The following EIF3A variants were observed in gnomAD, a reference collection of about 807,000 sequenced individuals.
The protein encoded by EIF3A is eukaryotic translation initiation factor 3 subunit A, also known as EIF3, p180 subunit.
Under a neutral mutation model 186.6 loss-of-function variants are expected in EIF3A, and 21 were observed. The ratio of observed to expected loss-of-function variants is 0.11; its 90% CI spans 0.08 to 0.16. The LOEUF is 0.16. Ranked by LOEUF, EIF3A falls within the 10% of genes least tolerant of loss-of-function variation. The pLI is 1.00. For synonymous variants in EIF3A, 563 were observed against 584.3 expected (o/e 0.96, Z 0.52); for missense variants, 1,306 against 1,796.3 (o/e 0.73, Z 4.93).
At position 119,042,584 on chromosome 10, in the gene EIF3A, C is replaced by A; in HGVS notation, c.2936G>T (p.Arg979Leu). The A allele has an allele frequency of 1.2e-6, 2 of 1,614,170 alleles. No individual in the cohort carries two copies. The highest frequency in any genetic ancestry group is 1.7e-6 in the Non-Finnish European group (2 of 1,180,044). The change falls in exon 19 of 22, where the codon CGT becomes CTT. Residue 979 changes from arginine (R) to leucine (L), a missense_variant. Transcript: ENST00000369144. The surrounding 1 kb of genome is among the most constrained non-coding windows in gnomAD (Gnocchi z 7.8). The part of the protein sequence containing the change: ...RRGPEEDRFS[R>L]RGADDDRPSW... ...AGGCCGGTCATCGTCTGCCCCACGA[C>A]GAGAGAACCTATCTTCCTCAGGACC...
At chr10:119,062,187 A>G (rs1450171865) in intron 7 of EIF3A, among the ~76,000 whole-genome samples, 2 of 152,180 alleles carry the variant, frequency 1.3e-5, no homozygotes, top group Non-Finnish European at 2.9e-5. Flanking sequence ...TCCCTAACTT[A>G]GAATCTGCCT....
Position 119,042,309 on chromosome 10 carries a change from G to A in EIF3A, c.3211C>T (p.Arg1071Ter), listed in dbSNP as rs1257943849. Reference sequence around the variant, plus strand: ...GGACCCCGATCATCATCCAACCCTCGCCTGGGACCCCGGTCATCATCAGCA... The same window carrying A: ...GGACCCCGATCATCATCCAACCCTCACCTGGGACCCCGGTCATCATCAGCA... ...RNADDDRGPR[R>*]GLDDDRGPRR... Residue 1071 changes from arginine to a stop codon, truncating the protein, a stop_gained, in exon 19 of 22, where the codon CGA (arginine) becomes TGA (stop). Transcript: ENST00000369144. LOFTEE classifies it high-confidence loss of function. This position sits in a 1 kb window ranked among gnomAD's most constrained non-coding sequence, Gnocchi z 7.8. The A allele has an allele frequency of 1.2e-6, 2 of 1,613,234 alleles. No individual in the cohort carries two copies. Among genetic ancestry groups the A allele is most frequent in the Non-Finnish European group, 1.7e-6 (2 of 1,179,906 alleles).
rs1455758561 is a variant in EIF3A at position 119,055,166 on chromosome 10, C to A, written c.2196+1574G>T. ...CAGAGGTTGCAGTGTGCCGAGATTGCGCCACTGCACTCCAGCCTGGGCGAC... is the reference window on the plus strand; with the variant it reads ...CAGAGGTTGCAGTGTGCCGAGATTGAGCCACTGCACTCCAGCCTGGGCGAC... On this transcript the variant is annotated intron_variant, in intron 14 of 21. Coordinates refer to ENST00000369144, the MANE Select transcript of EIF3A (RefSeq NM_003750.4). Among the ~76,000 whole-genome samples the A allele has an allele frequency of 7.2e-5, 11 of 152,290 alleles. No individual in the cohort carries two copies. The East Asian group carries it at 2.1e-3, about 29-fold the overall frequency.
intron 17 of EIF3A, among the ~76,000 whole-genome samples, chr10:119,044,930 G>A (rs1230777981): frequency 9.0e-6 from 1 of 110,950 alleles, no homozygotes; most frequent in Admixed American, 1.2e-4. Flanking sequence ...ACCTTTATTT[G>A]AATTTTCTTT....
chr10:119,070,726 G>T (rs1186031188), intron 5 of EIF3A, among the ~76,000 whole-genome samples, 160 bp downstream of exon 5: 2 of 152,188 alleles, frequency 1.3e-5, no homozygotes, highest in Admixed American at 1.3e-4. Context: ...AATATTCTGA[G>T]ATTTCTTGTT....
At position 119,033,754 on chromosome 10, in the gene EIF3A, G is replaced by GT. The variant is rs1848087367; in HGVS notation, c.*2284dup. ...TATATATGCTTCCAGACAAAGAAAAGTTTGTTAGTCCTGATTTTCTAATCG... is the reference window on the plus strand; with the variant it reads ...TATATATGCTTCCAGACAAAGAAAAGTTTTGTTAGTCCTGATTTTCTAATCG... On this transcript the variant is annotated 3_prime_UTR_variant, in exon 22 of 22. Transcript: ENST00000369144. 1.2e-5 allele frequency: 2 copies of GT among 166,818 alleles called. No individual in the cohort carries two copies. Among genetic ancestry groups the GT allele is most frequent in the African/African-American group, 4.8e-5 (2 of 41,348 alleles). 10.3% of individuals were successfully genotyped at this position (166,818 alleles called of 1,614,324 possible).
intron 20 of EIF3A, 123 bp from the exon 21 acceptor site, chr10:119,037,432 C>T: frequency 1.3e-6 from 1 of 776,526 alleles, no homozygotes; most frequent in Non-Finnish European, 2.0e-6. Flanking sequence ...AAACTCATAA[C>T]CTGACCTTAC....
Position 119,036,208 on chromosome 10 carries a change from G to A in EIF3A, c.3980C>T (p.Pro1327Leu). The change falls in exon 22 of 22, where the codon CCT (proline) becomes CTT (leucine). Residue 1327 changes from proline to leucine, a missense_variant. Coordinates refer to ENST00000369144, the MANE Select transcript of EIF3A (RefSeq NM_003750.4). ...KDDRVEERDP[P>L]RRVPPPALSR... Reference sequence around the variant, plus strand: ...AAGAGCTGGGGGAGGAACTCGACGAGGAGGGTCCCGCTCTTCCACCCGGTC... The same window carrying A: ...AAGAGCTGGGGGAGGAACTCGACGAAGAGGGTCCCGCTCTTCCACCCGGTC... 6.2e-7 allele frequency: 1 copy of A among 1,613,716 alleles called. No individual in the cohort carries two copies. Among genetic ancestry groups the A allele is most frequent in the Non-Finnish European group, 8.5e-7 (1 of 1,179,966 alleles).
intron 17 of EIF3A, among the ~76,000 whole-genome samples, chr10:119,047,867 G>A (rs1181702778): frequency 6.6e-6 from 1 of 152,070 alleles, no homozygotes; most frequent in African/African-American, 2.4e-5. Context: ...TTTGATACAG[G>A]TGTGGCAAAA....
At chr10:119,041,019 A>AC (rs1848201502) in intron 19 of EIF3A, among the ~76,000 whole-genome samples, 1 of 151,054 alleles carries the variant, frequency 6.6e-6, no homozygotes, top group South Asian at 2.1e-4. Context: ...AAAAAAAAAA[A>AC]AAAAAAAAAT....
intron 6 of EIF3A, among the ~76,000 whole-genome samples, chr10:119,067,492 G>A (rs114197236): frequency 0.01 from 1,541 of 152,302 alleles, 18 homozygotes; most frequent in African/African-American, 0.034. Flanking sequence ...TCAGAAGGCT[G>A]AGGTGGAAGA....
intron 4 of EIF3A, 44 bp from the exon 5 acceptor site, chr10:119,071,129 T>TAG (rs757288803): frequency 3.5e-5 from 46 of 1,330,892 alleles, no homozygotes; most frequent in Non-Finnish European, 4.6e-5. Flanking sequence ...TTCCACTATC[T>TAG]ACTTAAATAT....
In EIF3A at chr10:119,053,559, A is replaced by T. The variant is rs1377594295; in HGVS notation, c.2197-2238T>A. ...AGAGCCTGTCTCCACTAAAAATACA[A>T]AAAAAAAAAAAAAAAAAAAGCTAGG... On this transcript the variant is annotated intron_variant, in intron 14 of 21. Transcript: ENST00000369144. 6.3e-3 allele frequency among the ~76,000 whole-genome samples: 3 copies of T among 476 alleles called. No individual in the cohort carries two copies. The South Asian group carries it at 0.25, about 40-fold the overall frequency. The allele number at this position is 476 out of a possible 152,430, so 0.3% of individuals were successfully genotyped here.
intron 4 of EIF3A, among the ~76,000 whole-genome samples, chr10:119,071,820 T>C (rs1187020067): frequency 6.7e-6 from 1 of 149,252 alleles, no homozygotes; most frequent in Non-Finnish European, 1.5e-5. Flanking sequence ...GGTCAGGAGA[T>C]TGAGACCATC....
At position 119,035,098 on chromosome 10, in the gene EIF3A, G is replaced by T. The variant is rs1245020435; in HGVS notation, c.*941C>A. 1.3e-5 allele frequency: 2 copies of T among 152,526 alleles called. No homozygotes were observed. Among genetic ancestry groups the T allele is most frequent in the Admixed American group, 6.6e-5 (1 of 15,266 alleles). The allele number at this position is 152,526 out of a possible 1,614,324, so 9.4% of individuals were successfully genotyped here. A position where few individuals can be genotyped will look rare whatever the true frequency, so the allele number is the denominator to read the frequency against. On this transcript the variant is annotated 3_prime_UTR_variant, in exon 22 of 22. Coordinates refer to ENST00000369144, the MANE Select transcript of EIF3A (RefSeq NM_003750.4). Reference sequence around the variant, plus strand: ...GAAAAAACACAGCAGCAAGTTCTGTGTTGGCTTCAATGAGACCAAATAGTT... The same window carrying T: ...GAAAAAACACAGCAGCAAGTTCTGTTTTGGCTTCAATGAGACCAAATAGTT...
chr10:119,079,504 C>T (rs1844228689), intron 1 of EIF3A, among the ~76,000 whole-genome samples: 1 of 151,924 alleles, frequency 6.6e-6, no homozygotes. Flanking sequence ...GGGTAAAACC[C>T]GAAACTTCTA....
In EIF3A at chr10:119,035,869, A is replaced by T; in HGVS notation, c.*170T>A. On this transcript the variant is annotated 3_prime_UTR_variant, in exon 22 of 22. Coordinates refer to ENST00000369144, the MANE Select transcript of EIF3A (RefSeq NM_003750.4). ...ATGGTTTTTCCAACCTCCTGTGGAT[A>T]TGGTGCATGATCAATCTATTATATA... 1 of 520,908 alleles carries T rather than the reference A, an allele frequency of 1.9e-6. No homozygotes were observed. Among genetic ancestry groups the T allele is most frequent in the Non-Finnish European group, 3.4e-6 (1 of 296,050 alleles). 32.3% of individuals were successfully genotyped at this position (520,908 alleles called of 1,614,324 possible). A position where few individuals can be genotyped will look rare whatever the true frequency, so the allele number is the denominator to read the frequency against.
intron 6 of EIF3A, among the ~76,000 whole-genome samples, chr10:119,068,404 G>A (rs970569430): frequency 3.3e-5 from 5 of 152,314 alleles, no homozygotes; most frequent in East Asian, 3.9e-4. Flanking sequence ...GCCAGGCGTG[G>A]TGGCTCACAC....
At chr10:119,065,760 T>C (rs1256373545) in intron 6 of EIF3A, among the ~76,000 whole-genome samples, 190 bp from the exon 7 acceptor site, 1 of 152,210 alleles carries the variant, frequency 6.6e-6, no homozygotes, top group East Asian at 1.9e-4. Flanking sequence ...TTTAAACGAA[T>C]ACTTGGAGAA....
Sources: allele counts gnomAD v4.1 joint callset (sites outside exome capture counted in the v4.1 genomes callset), GRCh38; gene constraint gnomAD v4.1.1; non-coding constraint Gnocchi (gnomAD v3.1); transcripts MANE v1.5; gene names NCBI Gene and HGNC (gene_info 2026-07-23, HGNC 2026-07-21).